Variants in PDSS2 observed in about 807,000 individuals in gnomAD.
The protein encoded by PDSS2 is decaprenyl diphosphate synthase subunit 2.
Under a neutral mutation model 44.5 loss-of-function variants are expected in PDSS2, and 31 were observed. That is an observed-to-expected ratio of 0.70 (90% confidence interval 0.52 to 0.94). The LOEUF (loss-of-function observed/expected upper bound fraction) is 0.94, where lower values mean the gene tolerates loss of function less well. Ranked by LOEUF, PDSS2 falls within the 40% of genes least tolerant of loss-of-function variation. The probability of loss-of-function intolerance (pLI) is 0.00; values close to 1 mark genes in which losing one functional copy is unlikely to be tolerated. For missense variants in PDSS2, 452 were observed against 482.2 expected, an observed-to-expected ratio of 0.94 and a Z score of 0.59; for synonymous variants, 157 against 180.3, an observed-to-expected ratio of 0.87 and a Z score of 1.03.
chr6:107,443,182 C>T (rs1781561367), intron 1 of PDSS2, among the ~76,000 whole-genome samples: 1 of 152,174 alleles, frequency 6.6e-6, no homozygotes, highest in South Asian at 2.1e-4. Flanking sequence ...CCATAGCAGT[C>T]TTCTGCCAGG....
intron 1 of PDSS2, among the ~76,000 whole-genome samples, chr6:107,362,585 CT>C (rs1310115007): frequency 6.6e-6 from 1 of 152,092 alleles, no homozygotes; most frequent in African/African-American, 2.4e-5. Context: ...AAGTGAGAAA[CT>C]AGAGTTGCTA....
chr6:107,372,645 G>T (rs901173167), intron 1 of PDSS2, among the ~76,000 whole-genome samples: 14 of 151,982 alleles, frequency 9.2e-5, no homozygotes, highest in Non-Finnish European at 2.9e-5. Flanking sequence ...GTAGAGACAG[G>T]GTTTCACCGT....
chr6:107,256,990 G>C (rs1325821342), intron 3 of PDSS2, among the ~76,000 whole-genome samples: 1 of 152,124 alleles, frequency 6.6e-6, no homozygotes, highest in African/African-American at 2.4e-5. Context: ...GACCAGCCTG[G>C]TTAACATGGC....
chr6:107,352,889 GTT>G, intron 1 of PDSS2, among the ~76,000 whole-genome samples: 1 of 152,130 alleles, frequency 6.6e-6, no homozygotes, highest in East Asian at 1.9e-4. Flanking sequence ...AAGTGCCAAG[GTT>G]GAGAAACTCT....
intron 2 of PDSS2, among the ~76,000 whole-genome samples, chr6:107,310,607 A>G (rs897544255): frequency 5.9e-5 from 9 of 152,190 alleles, no homozygotes; most frequent in African/African-American, 2.2e-4. Context: ...CTTTGAGCCC[A>G]TTCATTCCCC....
At position 107,362,209 on chromosome 6, in the gene PDSS2, T is replaced by C. The variant is rs544362361; in HGVS notation, c.297-27877A>G. Among the ~76,000 whole-genome samples the C allele has an allele frequency of 2.0e-5, 3 of 152,162 alleles. No homozygotes were observed. In the East Asian group the frequency reaches 5.8e-4, roughly 29 times the overall value. ...CCACAGAGACCAGAGAGGGCCCATATATCCCTGGCTGATGGAGCCTGCAGG... is the reference window on the plus strand; with the variant it reads ...CCACAGAGACCAGAGAGGGCCCATACATCCCTGGCTGATGGAGCCTGCAGG... On this transcript the variant is annotated intron_variant, in intron 1 of 7. Coordinates refer to ENST00000369037, the MANE Select transcript of PDSS2 (RefSeq NM_020381.4).
intron 1 of PDSS2, among the ~76,000 whole-genome samples, chr6:107,443,679 A>G (rs963525641): frequency 3.9e-5 from 6 of 152,160 alleles, no homozygotes; most frequent in African/African-American, 1.4e-4. Flanking sequence ...TCTACCCCAC[A>G]CTACAATTTT....
intron 1 of PDSS2, among the ~76,000 whole-genome samples, chr6:107,425,910 G>A (rs1377003210): frequency 2.0e-5 from 3 of 151,308 alleles, no homozygotes; most frequent in South Asian, 2.1e-4. Context: ...GCAGTGAGCC[G>A]AGATTGCGCC....
At chr6:107,196,610 T>C (rs562225668) in intron 6 of PDSS2, among the ~76,000 whole-genome samples, 18 of 152,346 alleles carry the variant, frequency 1.2e-4, no homozygotes, top group Non-Finnish European at 2.4e-4. Context: ...AAATATATAT[T>C]TGGTCATAGT....
At position 107,192,787 on chromosome 6, in the gene PDSS2, T is replaced by TAA. The variant is rs71549501; in HGVS notation, c.1041+1033_1041+1034dup. 1.5e-3 allele frequency among the ~76,000 whole-genome samples: 222 copies of TAA among 144,734 alleles called. 1 individual carries two copies. Among genetic ancestry groups the TAA allele is most frequent in the African/African-American group, 4.0e-3 (159 of 39,610 alleles). 95.0% of individuals were successfully genotyped at this position (144,734 alleles called of 152,430 possible). ...CAAAGTAAATCTATTTTGTAATTGT[T>TAA]AAAAAAAAAAAAGAGAGACTTTATT... is the stretch of plus-strand genomic sequence containing the variant. On this transcript the variant is annotated intron_variant, in intron 7 of 7. Transcript: ENST00000369037.
At chr6:107,391,736 C>A (rs1052541603) in intron 1 of PDSS2, among the ~76,000 whole-genome samples, 2 of 151,966 alleles carry the variant, frequency 1.3e-5, no homozygotes, top group African/African-American at 4.8e-5. Context: ...ACCTATTACC[C>A]TTAGTTTGCC....
At chr6:107,362,473 A>G (rs1778810018) in intron 1 of PDSS2, among the ~76,000 whole-genome samples, 1 of 152,212 alleles carries the variant, frequency 6.6e-6, no homozygotes, top group South Asian at 2.1e-4. Flanking sequence ...AAATAGTGAG[A>G]AGAGACGTCA....
At chr6:107,291,527 T>G (rs1391496297) in intron 2 of PDSS2, among the ~76,000 whole-genome samples, 1 of 28,430 alleles carries the variant, frequency 3.5e-5, no homozygotes, top group South Asian at 1.9e-3. Context: ...TTTAGTTAGT[T>G]TTTTTTTTTT....
At chr6:107,435,095 A>G (rs1357393595) in intron 1 of PDSS2, among the ~76,000 whole-genome samples, 1 of 152,086 alleles carries the variant, frequency 6.6e-6, no homozygotes, top group African/African-American at 2.4e-5. Flanking sequence ...TGGGCAACAC[A>G]GCAAGATCTC....
intron 1 of PDSS2, among the ~76,000 whole-genome samples, chr6:107,408,237 C>A (rs1220987475): frequency 6.6e-6 from 1 of 151,972 alleles, no homozygotes; most frequent in Non-Finnish European, 1.5e-5. Flanking sequence ...ACCATGTTGG[C>A]TAGGCTGGTC....
chr6:107,396,553 A>G (rs1779946290), intron 1 of PDSS2, among the ~76,000 whole-genome samples: 1 of 152,202 alleles, frequency 6.6e-6, no homozygotes, highest in Non-Finnish European at 1.5e-5. Flanking sequence ...CCTCATGGCT[A>G]AAAGCAAAGT....
intron 2 of PDSS2, among the ~76,000 whole-genome samples, chr6:107,306,712 T>C (rs1299536529): frequency 6.6e-6 from 1 of 152,212 alleles, no homozygotes; most frequent in Non-Finnish European, 1.5e-5. Context: ...ATTGAACTAA[T>C]ATCTGACAAG....
At chr6:107,384,419 T>A (rs187568686) in intron 1 of PDSS2, among the ~76,000 whole-genome samples, 22 of 152,224 alleles carry the variant, frequency 1.4e-4, no homozygotes, top group African/African-American at 3.4e-4. Flanking sequence ...GGTGGTTGGA[T>A]CACCTGAAGT....
intron 1 of PDSS2, among the ~76,000 whole-genome samples, chr6:107,353,294 TAATAAG>T (rs1157160202): frequency 2.0e-5 from 3 of 152,218 alleles, no homozygotes; most frequent in Non-Finnish European, 4.4e-5. Context: ...TATTCTAGAT[TAATAAG>T]AATAACAATA....
Sources: gnomAD v4.1 joint callset for allele counts (sites outside exome capture counted in the v4.1 genomes callset) on GRCh38, gnomAD v4.1.1 for gene constraint, MANE v1.5 for transcripts, NCBI Gene and HGNC (gene_info 2026-07-23, HGNC 2026-07-21) for gene names.